Variants in GEMIN6 observed in about 807,000 individuals in gnomAD.
GEMIN6 encodes the protein gem-associated protein 6.
In GEMIN6, 13 loss-of-function variants were observed where a neutral mutation model predicts 14.1. The observed-to-expected ratio is 0.92, with a 90% CI of 0.60 to 1.46. The LOEUF is 1.46. Among genes scored for constraint, GEMIN6 ranks in the 40% most tolerant of loss-of-function variants. The pLI, the probability that GEMIN6 is intolerant of heterozygous loss-of-function variation, is 0.00. For missense variants in GEMIN6, 271 were observed against 202.4 expected, an observed-to-expected ratio of 1.34 and a Z score of -2.06; for synonymous variants, 87 against 70.0, an observed-to-expected ratio of 1.24 and a Z score of -1.21.
chr2:38,781,259 C>A (rs540235509), intron 2 of GEMIN6, among the ~76,000 whole-genome samples: 4 of 151,064 alleles, frequency 2.6e-5, no homozygotes, highest in African/African-American at 9.7e-5. Context: ...TGAGCCACCG[C>A]GCCTGGCTAC....
In GEMIN6 at chr2:38,778,240, A is replaced by G. The variant is rs191928821; in HGVS notation, c.-61A>G. 2.0e-5 allele frequency: 3 copies of G among 152,126 alleles called. No homozygotes were observed. Among genetic ancestry groups the G allele is most frequent in the Non-Finnish European group, 4.4e-5 (3 of 68,056 alleles). The allele number at this position is 152,126 out of a possible 1,614,324, so 9.4% of individuals were successfully genotyped here. A position where few individuals can be genotyped will look rare whatever the true frequency, so the allele number is the denominator to read the frequency against. On this transcript the variant is annotated 5_prime_UTR_variant, in exon 1 of 3. The change abolishes an upstream ATG in the 5' untranslated region. Transcript: ENST00000281950. ...CCGCTCAACGATCCTTCCTCAAAGCATGGTTGCTGAGTACCCAGAGTTGCG... is the reference window on the plus strand; with the variant it reads ...CCGCTCAACGATCCTTCCTCAAAGCGTGGTTGCTGAGTACCCAGAGTTGCG...
In GEMIN6 at chr2:38,782,113, G is replaced by A. The variant is rs1669105857; in HGVS notation, c.*221G>A. The stretch of plus-strand genomic sequence containing the variant: ...CATCCCATGCATAAAATTAGCACAG[G>A]GACATCAGAATTGTATGGGTCTTCT... On this transcript the variant is annotated 3_prime_UTR_variant, in exon 3 of 3. Transcript: ENST00000281950. 2.1e-6 allele frequency: 1 copy of A among 481,380 alleles called. No individual in the cohort carries two copies. The highest frequency in any genetic ancestry group is 3.6e-6 in the Non-Finnish European group (1 of 276,250). 29.8% of individuals were successfully genotyped at this position (481,380 alleles called of 1,614,324 possible).
In GEMIN6 at chr2:38,783,152, G is replaced by A. The variant is rs539751153; in HGVS notation, c.*1260G>A. The A allele has an allele frequency of 3.2e-3, 490 of 155,428 alleles. 4 individuals are homozygous for A. The highest frequency in any genetic ancestry group is 0.011 in the African/African-American group (466 of 41,546). The allele number at this position is 155,428 out of a possible 1,614,324, so 9.6% of individuals were successfully genotyped here. ...CCCAAAGTTCTGGGATTACAGGTGT[G>A]AGCCACCGTGCCCGGCTGTTTTTTG... On this transcript the variant is annotated 3_prime_UTR_variant, in exon 3 of 3. Transcript: ENST00000281950.
chr2:38,779,156 C>G, intron 2 of GEMIN6, 38 bp downstream of exon 2: 1 of 1,584,440 alleles, frequency 6.3e-7, no homozygotes, highest in African/African-American at 1.4e-5. Context: ...TCTTGACACC[C>G]CTTTGTGCTG....
intron 2 of GEMIN6, 34 bp downstream of exon 2, chr2:38,779,152 C>T: frequency 2.5e-6 from 4 of 1,594,270 alleles, no homozygotes; most frequent in Non-Finnish European, 3.4e-6. Context: ...GAAATCTTGA[C>T]ACCCCTTTGT....
chr2:38,779,200 A>G, intron 2 of GEMIN6, 82 bp downstream of exon 2: 1 of 1,341,976 alleles, frequency 7.5e-7, no homozygotes, highest in Admixed American at 2.3e-5. Flanking sequence ...GAAAGCAGAT[A>G]AATGAAAAGC....
At chr2:38,779,635 A>AATATATATATATATATATAT (rs1413852966) in intron 2 of GEMIN6, among the ~76,000 whole-genome samples, 3 of 48,030 alleles carry the variant, frequency 6.2e-5, no homozygotes, top group African/African-American at 2.5e-4. Context: ...AATTATTCTT[A>AATATATATATATATATATAT]CTATATATAT....
rs1469777245 is a variant in GEMIN6, at chr2:38,784,844, C to G, written c.*2952C>G. 6.6e-6 allele frequency: 1 copy of G among 152,208 alleles called. No homozygotes were observed. The highest frequency in any genetic ancestry group is 2.4e-5 in the African/African-American group (1 of 41,460). The allele number at this position is 152,208 out of a possible 1,614,324, so 9.4% of individuals were successfully genotyped here. A position where few individuals can be genotyped will look rare whatever the true frequency, so the allele number is the denominator to read the frequency against. ...AGTTTCACTCACCTGTTTCCAGTGC[C>G]TCCTTTGGGCTGTCAGCATCTGTGA... is the stretch of plus-strand genomic sequence containing the variant. On this transcript the variant is annotated 3_prime_UTR_variant, in exon 3 of 3. Transcript: ENST00000281950.
At position 38,779,038 on chromosome 2, in the gene GEMIN6, T is replaced by A; in HGVS notation, c.48T>A (p.Ile16=). ...KKGPLEWQDY[I]YKEVRVTASE... ...GCCCCTTAGAATGGCAAGATTACAT[T>A]TACAAAGAGGTCCGAGTGACAGCCA... The change falls in exon 2 of 3, where the codon ATT becomes ATA. Residue 16 remains isoleucine, a synonymous_variant. Coordinates refer to ENST00000281950, the MANE Select transcript of GEMIN6 (RefSeq NM_024775.10). 6.2e-7 allele frequency: 1 copy of A among 1,613,814 alleles called. No homozygotes were observed. Among genetic ancestry groups the A allele is most frequent in the Non-Finnish European group, 8.5e-7 (1 of 1,179,874 alleles).
Position 38,778,251 on chromosome 2 carries a change from G to C in GEMIN6, c.-50G>C, listed in dbSNP as rs1394273489. The C allele has an allele frequency of 1.3e-5, 2 of 152,196 alleles. No homozygotes were observed. The highest frequency in any genetic ancestry group is 2.9e-5 in the Non-Finnish European group (2 of 68,064). 9.4% of individuals were successfully genotyped at this position (152,196 alleles called of 1,614,324 possible). A position where few individuals can be genotyped will look rare whatever the true frequency, so the allele number is the denominator to read the frequency against. The stretch of plus-strand genomic sequence containing the variant: ...TCCTTCCTCAAAGCATGGTTGCTGA[G>C]TACCCAGAGTTGCGAGGAGTTTTTT... On this transcript the variant is annotated 5_prime_UTR_variant, in exon 1 of 3. Coordinates refer to ENST00000281950, the MANE Select transcript of GEMIN6 (RefSeq NM_024775.10).
chr2:38,783,616 C>T lies in GEMIN6; in HGVS notation c.*1724C>T, dbSNP rs1281879475. 6.6e-6 allele frequency: 1 copy of T among 151,864 alleles called. No homozygotes were observed. Among genetic ancestry groups the T allele is most frequent in the African/African-American group, 2.4e-5 (1 of 41,288 alleles). 9.4% of individuals were successfully genotyped at this position (151,864 alleles called of 1,614,324 possible). The stretch of plus-strand genomic sequence containing the variant: ...TGCTGGGAATATAGGTGTGAGCTGC[C>T]ATGTCCAGCTGTAAGAAATATTTTA... On this transcript the variant is annotated 3_prime_UTR_variant, in exon 3 of 3. Coordinates refer to ENST00000281950, the MANE Select transcript of GEMIN6 (RefSeq NM_024775.10).
rs1454096540 is a variant in GEMIN6, at chr2:38,779,662, A to AT, written c.128+545dup. 8.9e-3 allele frequency among the ~76,000 whole-genome samples: 239 copies of AT among 26,744 alleles called. 4 individuals are homozygous for AT. The highest frequency in any genetic ancestry group is 0.015 in the East Asian group (8 of 546). 17.5% of individuals were successfully genotyped at this position (26,744 alleles called of 152,430 possible). A position where few individuals can be genotyped will look rare whatever the true frequency, so the allele number is the denominator to read the frequency against. ...TATATATATATATATATATATATAT[A>AT]TATTTTTTTTTTTTTTTTTTTTTTT... On this transcript the variant is annotated intron_variant, in intron 2 of 2. Transcript: ENST00000281950.
chr2:38,781,905 T>G lies in GEMIN6; in HGVS notation c.*13T>G. ...AGCTTCCCAATGAGAGGCCAGGAAG[T>G]GTGAACATACTGATAGAAAAAGACT... On this transcript the variant is annotated 3_prime_UTR_variant, in exon 3 of 3. Transcript: ENST00000281950. The G allele has an allele frequency of 1.3e-6, 2 of 1,590,504 alleles. No individual in the cohort carries two copies. Among genetic ancestry groups the G allele is most frequent in the Non-Finnish European group, 1.7e-6 (2 of 1,168,282 alleles).
At chr2:38,780,636 C>CT (rs200022905) in intron 2 of GEMIN6, among the ~76,000 whole-genome samples, 47 of 148,336 alleles carry the variant, frequency 3.2e-4, no homozygotes, top group Non-Finnish European at 4.2e-4. Context: ...CTCACCTGAC[C>CT]TTTTTTTTTT....
In GEMIN6 at chr2:38,779,108, G is replaced by C; in HGVS notation, c.118G>C (p.Val40Leu). 2 of 1,612,666 alleles carry C rather than the reference G, an allele frequency of 1.2e-6. No homozygotes were observed. Among genetic ancestry groups the C allele is most frequent in the Non-Finnish European group, 1.7e-6 (2 of 1,179,386 alleles). The change falls in exon 2 of 3, where the codon GTC (valine) becomes CTC (leucine). Residue 40 changes from valine to leucine, a missense_variant. Val to Leu is a conservative substitution (Grantham distance 32). Transcript: ENST00000281950. ...AGGATGGGTTTTAACTACAGACCCA[G>C]TCTCTGCCAAGTGAGTATGCATCCT... Reference protein sequence around the residue: ...YKGWVLTTDPVSANIVLVNFL... With the variant: ...YKGWVLTTDPLSANIVLVNFL...
chr2:38,784,027 C>G lies in GEMIN6; in HGVS notation c.*2135C>G, dbSNP rs1373029580. On this transcript the variant is annotated 3_prime_UTR_variant, in exon 3 of 3. Transcript: ENST00000281950. ...TGTTACCGTTCCCAGACCACACTTG[C>G]AGAAGCAGTTCAGAAACTTCAGGGG... 3 of 152,290 alleles carry G rather than the reference C, an allele frequency of 2.0e-5. No individual in the cohort carries two copies. The highest frequency in any genetic ancestry group is 3.4e-3 in the Middle Eastern group (1 of 294). 9.4% of individuals were successfully genotyped at this position (152,290 alleles called of 1,614,324 possible).
At chr2:38,779,283 T>G (rs776748687) in intron 2 of GEMIN6, 165 bp downstream of exon 2, 6 of 704,552 alleles carry the variant, frequency 8.5e-6, no homozygotes, top group South Asian at 6.5e-5. Context: ...CAGGCTGGAA[T>G]GCAGTGGCGA....
At chr2:38,780,767 T>C (rs3099960) in intron 2 of GEMIN6, among the ~76,000 whole-genome samples, 44,627 of 151,574 alleles carry the variant, frequency 0.29, 6,745 homozygotes, top group Admixed American at 0.31. Context: ...TAGCTGGGAT[T>C]ATAGACATGT....
chr2:38,780,974 C>CTTTTTTTTTTTT (rs1558338399), intron 2 of GEMIN6, among the ~76,000 whole-genome samples: 1 of 32,856 alleles, frequency 3.0e-5, no homozygotes. Context: ...ACCCTGCCTT[C>CTTTTTTTTTTTT]TTCTTTTTTT....
Sources: allele counts gnomAD v4.1 joint callset (sites outside exome capture counted in the v4.1 genomes callset), GRCh38; gene constraint gnomAD v4.1.1; transcripts MANE v1.5; gene names NCBI Gene and HGNC (gene_info 2026-07-23, HGNC 2026-07-21).